Variants in ZNF329 observed in about 807,000 individuals in gnomAD.
ZNF329 encodes zinc finger protein 329.
ZNF329 carries 15 observed loss-of-function variants against 26.6 expected under a neutral mutation model. That is an observed-to-expected ratio of 0.56 (90% CI 0.38 to 0.87). ZNF329 has a LOEUF of 0.87. ZNF329 is among the 40% of genes least tolerant of loss of function. The pLI is 0.00. For synonymous variants in ZNF329, 239 were observed against 233.5 expected, an observed-to-expected ratio of 1.02 and a Z score of -0.21; for missense variants, 651 against 651.9, an observed-to-expected ratio of 1.00 and a Z score of 0.02.
chr19:58,137,907 G>T (rs2075108347), intron 3 of ZNF329, among the ~76,000 whole-genome samples: 1 of 151,828 alleles, frequency 6.6e-6, no homozygotes, highest in East Asian at 1.9e-4. Context: ...TGAGCCTGGG[G>T]GTCAGAGGTT....
upstream of ZNF329, among the ~76,000 whole-genome samples, chr19:58,152,586 G>A (rs759185411): frequency 2.0e-5 from 3 of 151,992 alleles, no homozygotes; most frequent in Non-Finnish European, 4.4e-5. Flanking sequence ...GACCGGACGC[G>A]GTGGCTCACA....
chr19:58,138,856 G>A (rs942002765), intron 3 of ZNF329, among the ~76,000 whole-genome samples: 2 of 151,932 alleles, frequency 1.3e-5, no homozygotes, highest in Admixed American at 6.6e-5. Context: ...AATTAGCTAG[G>A]CATGGTGGTG....
At chr19:58,133,305 G>C (rs1297775308) in intron 3 of ZNF329, among the ~76,000 whole-genome samples, 1 of 152,220 alleles carries the variant, frequency 6.6e-6, no homozygotes, top group Non-Finnish European at 1.5e-5. Context: ...TGTTTCAGAG[G>C]CTGGATGTGG....
At chr19:58,145,685 T>C (rs1865126049) in intron 1 of ZNF329, among the ~76,000 whole-genome samples, 1 of 152,108 alleles carries the variant, frequency 6.6e-6, no homozygotes, top group Admixed American at 6.6e-5. Flanking sequence ...CATCTTACTA[T>C]ATCAAAATGA....
Position 58,127,128 on chromosome 19 carries a change from ACT to A in ZNF329, c.*748_*749del, listed in dbSNP as rs1200151130. 6.6e-6 allele frequency: 1 copy of A among 151,966 alleles called. No homozygotes were observed. Among genetic ancestry groups the A allele is most frequent in the Admixed American group, 6.6e-5 (1 of 15,248 alleles). 9.4% of individuals were successfully genotyped at this position (151,966 alleles called of 1,614,324 possible). A position where few individuals can be genotyped will look rare whatever the true frequency, so the allele number is the denominator to read the frequency against. On this transcript the variant is annotated 3_prime_UTR_variant, in exon 4 of 4. Coordinates refer to ENST00000598312, the MANE Select transcript of ZNF329 (RefSeq NM_024620.4). ...GTGTGTGCAGTACAGCACTGTGTGG[ACT>A]CTCTCATTGTACACCTTTGTTGTTA...
chr19:58,146,411 T>C (rs1600093188), intron 1 of ZNF329, among the ~76,000 whole-genome samples: 1 of 151,092 alleles, frequency 6.6e-6, no homozygotes, highest in African/African-American at 2.4e-5. Flanking sequence ...GAAGTAGAGG[T>C]TGCAGTGAGC....
At chr19:58,132,913 C>G (rs377238897) in intron 3 of ZNF329, among the ~76,000 whole-genome samples, 1 of 151,854 alleles carries the variant, frequency 6.6e-6, no homozygotes, top group Non-Finnish European at 1.5e-5. Flanking sequence ...CCCAGGTTCA[C>G]GCCATTCTCC....
intron 3 of ZNF329, among the ~76,000 whole-genome samples, chr19:58,131,876 A>G (rs1239830518): frequency 1.3e-5 from 2 of 151,928 alleles, no homozygotes; most frequent in Non-Finnish European, 2.9e-5. Flanking sequence ...ACAAAAAATT[A>G]GCCAGGCGTG....
At chr19:58,151,024 ATTTC>A (rs1475485308), upstream of ZNF329, among the ~76,000 whole-genome samples, 15 of 152,248 alleles carry the variant, frequency 9.9e-5, no homozygotes, top group Admixed American at 2.6e-4. Context: ...TTCCTAAAAT[ATTTC>A]TTTATCTATA....
At chr19:58,131,011 T>C (rs1041042241) in intron 3 of ZNF329, among the ~76,000 whole-genome samples, 4 of 152,168 alleles carry the variant, frequency 2.6e-5, no homozygotes, top group Admixed American at 6.6e-5. Flanking sequence ...CCCAGCCTTC[T>C]TTCTATTTTT....
rs192279673 is a variant in ZNF329, at chr19:58,126,615, A to G, written c.*1263T>C. The G allele has an allele frequency of 2.0e-5, 3 of 152,240 alleles. No homozygotes were observed. Among genetic ancestry groups the G allele is most frequent in the East Asian group, 3.8e-4 (2 of 5,198 alleles). The allele number at this position is 152,240 out of a possible 1,614,324, so 9.4% of individuals were successfully genotyped here. A position where few individuals can be genotyped will look rare whatever the true frequency, so the allele number is the denominator to read the frequency against. On this transcript the variant is annotated 3_prime_UTR_variant, in exon 4 of 4. Transcript: ENST00000598312. ...TTCAACAACTAAAGCAACAAACCAC[A>G]TCTGTTAGAAGCAGCCCTTTCCATC...
chr19:58,128,421 A>G lies in ZNF329; in HGVS notation c.1083T>C (p.His361=), dbSNP rs540552568. The change falls in exon 4 of 4, where the codon CAT becomes CAC. Residue 361 remains histidine (H), a synonymous_variant. Coordinates refer to ENST00000598312, the MANE Select transcript of ZNF329 (RefSeq NM_024620.4). ...AFRDGSYLTQ[H]ERTHTGEKPF... ...GCTTTTCTCCAGTGTGAGTCCTCTC[A>G]TGCTGGGTGAGGTACGAGCCGTCCC... 1 of 1,613,686 alleles carries G rather than the reference A, an allele frequency of 6.2e-7. No individual in the cohort carries two copies. Among genetic ancestry groups the G allele is most frequent in the African/African-American group, 1.3e-5 (1 of 74,870 alleles).
rs750675013 is a variant in ZNF329 at position 58,128,015 on chromosome 19, G to A, written c.1489C>T (p.His497Tyr). 6.8e-6 allele frequency: 11 copies of A among 1,613,952 alleles called. No individual in the cohort carries two copies. The highest frequency in any genetic ancestry group is 6.6e-5 in the South Asian group (6 of 91,078). ...TGGAGTCTCTGATGTACTGCCAGGT[G>A]AGAGTTCTGCTTGAAGGACTTCCCA... is the stretch of plus-strand genomic sequence containing the variant. Reference protein sequence around the residue: ...ECGKSFKQNSHLAVHQRLHSR... With the variant: ...ECGKSFKQNSYLAVHQRLHSR... The change falls in exon 4 of 4, where the codon CAC becomes TAC. Residue 497 changes from histidine to tyrosine, a missense_variant. By Grantham distance (83) the His-to-Tyr change is moderately conservative. Coordinates refer to ENST00000598312, the MANE Select transcript of ZNF329 (RefSeq NM_024620.4).
intron 3 of ZNF329, among the ~76,000 whole-genome samples, chr19:58,131,841 G>A (rs1327221624): frequency 3.3e-5 from 5 of 151,934 alleles, no homozygotes; most frequent in Non-Finnish European, 7.4e-5. Flanking sequence ...GGCTGACACG[G>A]TGAAACCCCG....
At chr19:58,129,859 C>T (rs1009124666) in intron 3 of ZNF329, among the ~76,000 whole-genome samples, 1 of 152,218 alleles carries the variant, frequency 6.6e-6, no homozygotes, top group African/African-American at 2.4e-5. Flanking sequence ...GTCCCTGTCA[C>T]ACACTGCCCA....
Position 58,128,929 on chromosome 19 carries a change from T to C in ZNF329, c.575A>G (p.Glu192Gly). 6.2e-7 allele frequency: 1 copy of C among 1,614,162 alleles called. No homozygotes were observed. Among genetic ancestry groups the C allele is most frequent in the Non-Finnish European group, 8.5e-7 (1 of 1,180,026 alleles). Residue 192 changes from glutamate (E) to glycine (G), a missense_variant, in exon 4 of 4, where the codon GAA (glutamate) becomes GGA (glycine). By Grantham distance (98) the Glu-to-Gly change is moderately conservative. Transcript: ENST00000598312. ...CTCTCCAGGGAGATTTCTCTGGTTT[T>C]CATTAAGCGATGAGCTCAGAGTAAA... is the stretch of plus-strand genomic sequence containing the variant. The part of the protein sequence containing the change: ...NIFTLSSSLN[E>G]NQRNLPGEKQ...
At chr19:58,150,563 C>G (rs576770981) in intron 1 of ZNF329, among the ~76,000 whole-genome samples, 189 bp downstream of exon 1, 1 of 152,260 alleles carries the variant, frequency 6.6e-6, no homozygotes, top group Non-Finnish European at 1.5e-5. Context: ...CGTCCCCACC[C>G]ACCAGGAGAA....
At chr19:58,141,891 C>T (rs1283829431) in intron 3 of ZNF329, among the ~76,000 whole-genome samples, 1 of 147,662 alleles carries the variant, frequency 6.8e-6, no homozygotes, top group Non-Finnish European at 1.5e-5. Context: ...GAACCTCCAT[C>T]TCAAAAAAAA....
chr19:58,138,975 AG>A (rs1336379629), intron 3 of ZNF329, among the ~76,000 whole-genome samples: 30 of 152,080 alleles, frequency 2.0e-4, no homozygotes, highest in Admixed American at 3.9e-4. Context: ...AAAAGAAAAA[AG>A]AAAAAAAGAA....
Sources: gnomAD v4.1 joint callset for allele counts (sites outside exome capture counted in the v4.1 genomes callset) on GRCh38, gnomAD v4.1.1 for gene constraint, MANE v1.5 for transcripts, NCBI Gene and HGNC (gene_info 2026-07-23, HGNC 2026-07-21) for gene names.